Variants in MUC6 observed in about 807,000 individuals in gnomAD.
MUC6 encodes mucin 6, oligomeric mucus/gel-forming (gene/pseudogene), also known as mucin-6.
A neutral mutation model predicts 201.5 loss-of-function variants in MUC6; 188 were observed. The observed-to-expected ratio is 0.93, with a 90% CI of 0.83 to 1.05. The LOEUF is 1.05. Ranked by LOEUF, MUC6 falls within the 50% of genes least tolerant of loss-of-function variation. MUC6 has a pLI of 0.00. For missense variants in MUC6, 2,706 were observed against 3,256.9 expected (o/e 0.83, Z 4.12); for synonymous variants, 1,228 against 1,389.4 (o/e 0.88, Z 2.58).
Position 1,031,617 on chromosome 11 carries a change from C to A in MUC6, c.473G>T (p.Ser158Ile). 1 of 1,548,706 alleles carries A rather than the reference C, an allele frequency of 6.5e-7. No individual in the cohort carries two copies. Residue 158 changes from serine (S) to isoleucine (I), a missense_variant, in exon 4 of 33, where the codon AGC (serine) becomes ATC (isoleucine). This residue lies in a region of MUC6 where 1,850 missense variants were observed against 1,958.3 expected (regional missense o/e 0.94). Transcript: ENST00000421673. ...LELEVVWGPD[S>I]HLMVLVERKY... ...CCCTTCTCTCCTCACCATGAGGTGG[C>A]TGTCAGGACCCCACACGACTTCCAG...
rs372205312 is a variant in MUC6 at position 1,013,919 on chromosome 11, G to A, written c.7122C>T (p.Gly2374=). ...MANVTVTRCE[G]ACISAASFNI... is the part of the protein sequence containing the mutation. Reference sequence around the variant, plus strand: ...CTCACCTGGCAGCGGAAATGCAGGCGCCCTCACAGCGGGTTACCGTCACGT... The same window carrying A: ...CTCACCTGGCAGCGGAAATGCAGGCACCCTCACAGCGGGTTACCGTCACGT... Residue 2374 remains glycine (G), a synonymous_variant, in exon 32 of 33, where the codon GGC becomes GGT. Transcript: ENST00000421673. 12 of 1,606,300 alleles carry A rather than the reference G, an allele frequency of 7.5e-6. No homozygotes were observed. Among genetic ancestry groups the A allele is most frequent in the Admixed American group, 3.4e-5 (2 of 59,272 alleles).
chr11:1,031,732 C>G lies in MUC6; in HGVS notation c.358G>C (p.Val120Leu), dbSNP rs1275615308. Residue 120 changes from valine (V) to leucine (L), a missense_variant and splice_region_variant, in exon 4 of 33, where the codon GTC (valine) becomes CTC (leucine). Transcript: ENST00000421673. ...EAIISVKDIG[V>L]ISLPYTSNGL... ...TTGCTGGTATAGGGCAGGCTGATGA[C>G]CCTGTGGGGCAAGGGAAGTCGGTGG... The G allele has an allele frequency of 2.6e-6, 4 of 1,550,328 alleles. No homozygotes were observed. In the East Asian group the frequency reaches 7.3e-5, roughly 28 times the overall value.
At chr11:1,026,854 G>C in intron 19 of MUC6, 87 bp downstream of exon 19, 1 of 1,307,154 alleles carries the variant, frequency 7.7e-7, no homozygotes. Flanking sequence ...GGCAGAATGC[G>C]GCCAGGTCTC....
chr11:1,032,053 G>C lies in MUC6; in HGVS notation c.116C>G (p.Ala39Gly). 1 of 1,613,008 alleles carries C rather than the reference G, an allele frequency of 6.2e-7. No individual in the cohort carries two copies. Among genetic ancestry groups the C allele is most frequent in the Non-Finnish European group, 8.5e-7 (1 of 1,179,796 alleles). ...LQRLKDSPQT[A>G]PDKGQCSTWG... ...CGTGGAGCACTGGCCTTTGTCCGGG[G>C]CTACAGAGAGAGCAGTGCTCACACA... The change falls in exon 3 of 33, where the codon GCC becomes GGC. Residue 39 changes from alanine (A) to glycine (G), a missense_variant and splice_region_variant. Ala to Gly is a moderately conservative substitution (Grantham distance 60). This residue lies in a region of MUC6 where 1,850 missense variants were observed against 1,958.3 expected (regional missense o/e 0.94). Transcript: ENST00000421673.
chr11:1,025,454 G>T, intron 22 of MUC6, 87 bp from the exon 23 acceptor site: 1 of 1,470,948 alleles, frequency 6.8e-7, no homozygotes, highest in Non-Finnish European at 9.2e-7. Context: ...CAGAGACAGA[G>T]CTGCCCAGGT....
rs1258030204 is a variant in MUC6 at position 1,026,979 on chromosome 11, C to A, written c.2356G>T (p.Ala786Ser). ...GTGGCCAGCATCTGGCATGTGGGGG[C>A]ACAGGCTGCCCCAAACTTGTTCTCG... ...SSENKFGAAC[A>S]PTCQMLATGV... The change falls in exon 19 of 33, where the codon GCC (alanine) becomes TCC (serine). Residue 786 changes from alanine (A) to serine (S), a missense_variant. By Grantham distance (99) the Ala-to-Ser change is moderately conservative (BLOSUM62 1). Around this residue, in one of 10 missense-constraint regions of MUC6, gnomAD observed 1,850 missense variants for 1,958.3 expected, o/e 0.94. Coordinates refer to ENST00000421673, the MANE Select transcript of MUC6 (RefSeq NM_005961.3). 6.3e-7 allele frequency: 1 copy of A among 1,599,754 alleles called. No homozygotes were observed. Among genetic ancestry groups the A allele is most frequent in the South Asian group, 1.1e-5 (1 of 88,820 alleles).
At position 1,028,299 on chromosome 11, in the gene MUC6, G is replaced by C; in HGVS notation, c.1680C>G (p.Asp560Glu). 2 of 1,610,862 alleles carry C rather than the reference G, an allele frequency of 1.2e-6. No homozygotes were observed. Among genetic ancestry groups the C allele is most frequent in the Non-Finnish European group, 1.7e-6 (2 of 1,179,224 alleles). ...IAEGTASLFV[D>E]SWRAGNCPAA... Reference sequence around the variant, plus strand: ...CCGGACAGTTCCCCGCCCGCCAGGAGTCCACAAACAGCGAGGCGGTGCCCT... The same window carrying C: ...CCGGACAGTTCCCCGCCCGCCAGGACTCCACAAACAGCGAGGCGGTGCCCT... The change falls in exon 14 of 33, where the codon GAC becomes GAG. Residue 560 changes from aspartate (D) to glutamate (E), a missense_variant. Asp to Glu is a conservative substitution (Grantham distance 45). Coordinates refer to ENST00000421673, the MANE Select transcript of MUC6 (RefSeq NM_005961.3).
At position 1,018,618 on chromosome 11, in the gene MUC6, T is replaced by TAGTTTG; in HGVS notation, c.4182_4183insCAAACT (p.Thr1394_Thr1395insGlnThr). On this transcript the variant is annotated inframe_insertion, in exon 31 of 33. Transcript: ENST00000421673. ...GGGGTTTGGGGCGTTGTGTATTCAG[T>TAGTTTG]AGTCGTTCTTGTTTGAGTGGTCTCT... The TAGTTTG allele has an allele frequency of 6.2e-7, 1 of 1,612,880 alleles. No homozygotes were observed. The highest frequency in any genetic ancestry group is 8.5e-7 in the Non-Finnish European group (1 of 1,179,520).
In MUC6 at chr11:1,024,864, A is replaced by G; in HGVS notation, c.3205T>C (p.Phe1069Leu). 4.3e-6 allele frequency: 7 copies of G among 1,610,188 alleles called. No homozygotes were observed. The highest frequency in any genetic ancestry group is 5.9e-6 in the Non-Finnish European group (7 of 1,177,906). Reference sequence around the variant, plus strand: ...CCCACCTTGCTGTGGCAGGTGGCAAAGGTCTGGCTGTTGATGACGCTGCAC... The same window carrying G: ...CCCACCTTGCTGTGGCAGGTGGCAAGGGTCTGGCTGTTGATGACGCTGCAC... ...RKCSVINSQT[F>L]ATCHSKVYHL... The change falls in exon 24 of 33, where the codon TTT becomes CTT. Residue 1069 changes from phenylalanine to leucine, a missense_variant. Coordinates refer to ENST00000421673, the MANE Select transcript of MUC6 (RefSeq NM_005961.3).
rs774307866 is a variant in MUC6 at position 1,031,790 on chromosome 11, G to A, written c.356+23C>T. On this transcript the variant is annotated intron_variant, in intron 3 of 32. Coordinates refer to ENST00000421673, the MANE Select transcript of MUC6 (RefSeq NM_005961.3). ...TCAGTCCTCCGGCCCCCGAGCCCCCGGGCCCCGGCCCACCTGACCTACCCG... is the reference window on the plus strand; with the variant it reads ...TCAGTCCTCCGGCCCCCGAGCCCCCAGGCCCCGGCCCACCTGACCTACCCG... The A allele has an allele frequency of 9.1e-5, 143 of 1,568,890 alleles. 2 individuals are homozygous for A. The South Asian group carries it at 1.3e-3, about 14-fold the overall frequency.
chr11:1,028,759 G>T lies in MUC6; in HGVS notation c.1478C>A (p.Thr493Lys). 1 of 1,611,868 alleles carries T rather than the reference G, an allele frequency of 6.2e-7. No homozygotes were observed. The part of the protein sequence containing the change: ...KTRNITVFRQ[T>K]STHLQMATSF... ...GGTGGCCATCTGGAGGTGGGTGGAC[G>T]TCTGCCTGAAGACCGTGATGTTGCC... is the stretch of plus-strand genomic sequence containing the variant. The change falls in exon 13 of 33, where the codon ACG becomes AAG. Residue 493 changes from threonine to lysine, a missense_variant. Coordinates refer to ENST00000421673, the MANE Select transcript of MUC6 (RefSeq NM_005961.3).
rs140432658 is a variant in MUC6 at position 1,033,446 on chromosome 11, C to T, written c.53-371G>A. On this transcript the variant is annotated intron_variant, in intron 1 of 32. Transcript: ENST00000421673. The surrounding 1 kb of genome is among the most constrained non-coding windows in gnomAD (Gnocchi z 5.6). ...GGTGGCAGGGGCTTGGCGGCGGAGC[C>T]AACAAAGTGGGCTGTGCCCGCCTCC... is the stretch of plus-strand genomic sequence containing the variant. 2.0e-3 allele frequency among the ~76,000 whole-genome samples: 302 copies of T among 152,092 alleles called. No homozygotes were observed. The highest frequency in any genetic ancestry group is 7.0e-3 in the African/African-American group (292 of 41,482).
intron 6 of MUC6, 44 bp from the exon 7 acceptor site, chr11:1,030,824 A>T (rs1564844485): frequency 6.5e-7 from 1 of 1,530,240 alleles, no homozygotes; most frequent in Non-Finnish European, 8.8e-7. Flanking sequence ...GCCACACCCC[A>T]TGCCACCACG....
At chr11:1,023,746 T>TG (rs1856881399) in intron 25 of MUC6, 94 bp from the exon 26 acceptor site, 1 of 1,537,126 alleles carries the variant, frequency 6.5e-7, no homozygotes, top group Admixed American at 1.9e-5. Context: ...AACCTGAGTG[T>TG]GGGCGGGGAA....
At position 1,023,642 on chromosome 11, in the gene MUC6, G is replaced by A. The variant is rs1489917263; in HGVS notation, c.3393C>T (p.Cys1131=). The change falls in exon 26 of 33, where the codon TGC becomes TGT. Residue 1131 remains cysteine (C), a synonymous_variant. Coordinates refer to ENST00000421673, the MANE Select transcript of MUC6 (RefSeq NM_005961.3). Reference sequence around the variant, plus strand: ...CCTGCGTGTGCGTGTTGTAGAAGCCGCAGTAGATGGCTGGGAGGAAGGGAG... The same window carrying A: ...CCTGCGTGTGCGTGTTGTAGAAGCCACAGTAGATGGCTGGGAGGAAGGGAG... ...WRTPAFCPIY[C]GFYNTHTQDG... 3.7e-6 allele frequency: 6 copies of A among 1,612,232 alleles called. No homozygotes were observed. Among genetic ancestry groups the A allele is most frequent in the African/African-American group, 1.3e-5 (1 of 74,902 alleles).
chr11:1,013,195 G>C lies in MUC6; in HGVS notation c.*261C>G. The C allele has an allele frequency of 1.9e-6, 1 of 535,076 alleles. No individual in the cohort carries two copies. 33.1% of individuals were successfully genotyped at this position (535,076 alleles called of 1,614,324 possible). On this transcript the variant is annotated 3_prime_UTR_variant, in exon 33 of 33. Coordinates refer to ENST00000421673, the MANE Select transcript of MUC6 (RefSeq NM_005961.3). ...GGGCAGGGGTGGTCGGGAGTGCCCT[G>C]TGTGCCTGGGAGGTCCGTGACCACT...
At chr11:1,031,531 G>A (rs1393149990) in intron 4 of MUC6, 76 bp downstream of exon 4, 3 of 1,520,454 alleles carry the variant, frequency 2.0e-6, no homozygotes, top group African/African-American at 1.4e-5. Flanking sequence ...CCCCCAAGGA[G>A]GGCAGCCCCT....
intron 2 of MUC6, among the ~76,000 whole-genome samples, chr11:1,032,684 T>C (rs1857135687): frequency 6.7e-6 from 1 of 150,136 alleles, no homozygotes; most frequent in Non-Finnish European, 1.5e-5. Context: ...TGTGTGCATG[T>C]GTTTGTCAGG....
rs1857051488 is a variant in MUC6, at chr11:1,029,520, C to T, written c.1111G>A (p.Val371Ile). ...LHGAMYAPGE[V>I]TIAACQTCRC... is the part of the protein sequence containing the mutation. ...CAGGTTTGGCAGGCAGCTATTGTGA[C>T]CTCCCCGGGGGCATACATGGCGCCG... The change falls in exon 9 of 33, where the codon GTC becomes ATC. Residue 371 changes from valine to isoleucine, a missense_variant. Val to Ile is a conservative substitution (Grantham distance 29, BLOSUM62 3). Coordinates refer to ENST00000421673, the MANE Select transcript of MUC6 (RefSeq NM_005961.3). 1.9e-6 allele frequency: 3 copies of T among 1,612,318 alleles called. No homozygotes were observed. Among genetic ancestry groups the T allele is most frequent in the Admixed American group, 1.7e-5 (1 of 59,942 alleles).
Sources: gnomAD v4.1 joint callset for allele counts (sites outside exome capture counted in the v4.1 genomes callset) on GRCh38, gnomAD v4.1.1 for gene constraint, gnomAD v4.1.1 regional missense constraint, Gnocchi (gnomAD v3.1) non-coding constraint, MANE v1.5 for transcripts, NCBI Gene and HGNC (gene_info 2026-07-23, HGNC 2026-07-21) for gene names.